TMEM192: variants seen among roughly 807,000 people sequenced by gnomAD.
TMEM192 encodes transmembrane protein 192.
TMEM192 carries 20 observed loss-of-function variants against 26.7 expected under a neutral mutation model. That is an observed-to-expected ratio of 0.75 (90% confidence interval 0.53 to 1.09). The LOEUF (loss-of-function observed/expected upper bound fraction) is 1.09. Among genes scored for constraint, TMEM192 ranks in the 50% least tolerant of loss-of-function variants. The pLI, the probability that TMEM192 is intolerant of heterozygous loss-of-function variation, is 0.00. For synonymous variants in TMEM192, 124 were observed against 121.0 expected, an observed-to-expected ratio of 1.02 and a Z score of -0.16; for missense variants, 304 against 322.6, an observed-to-expected ratio of 0.94 and a Z score of 0.44.
intron 3 of TMEM192, among the ~76,000 whole-genome samples, chr4:165,094,529 T>C (rs550928332): frequency 4.7e-4 from 72 of 151,792 alleles, no homozygotes; most frequent in African/African-American, 1.6e-3. Flanking sequence ...GGGCGGTGCA[T>C]GCCTGTAATC....
intron 4 of TMEM192, 86 bp downstream of exon 4, chr4:165,088,382 C>T (rs1734674570): frequency 7.2e-7 from 1 of 1,385,776 alleles, no homozygotes; most frequent in East Asian, 2.4e-5. Flanking sequence ...AGAGAACTTC[C>T]TTGTCGCTAA....
At chr4:165,085,942 T>C (rs1203903678) in intron 4 of TMEM192, among the ~76,000 whole-genome samples, 1 of 152,164 alleles carries the variant, frequency 6.6e-6, no homozygotes, top group Non-Finnish European at 1.5e-5. Flanking sequence ...CCTCATTCAG[T>C]TCTCATAAAC....
intron 5 of TMEM192, 70 bp from the exon 6 acceptor site, chr4:165,079,866 T>C: frequency 6.9e-7 from 1 of 1,447,726 alleles, no homozygotes; most frequent in Non-Finnish European, 9.3e-7. Context: ...TGCAAATGAG[T>C]ACCTACTAGT....
chr4:165,095,257 A>C (rs1465603051), intron 3 of TMEM192, among the ~76,000 whole-genome samples: 1 of 152,184 alleles, frequency 6.6e-6, no homozygotes, highest in Non-Finnish European at 1.5e-5. Flanking sequence ...TAAATGCCAT[A>C]TATCATTATT....
At chr4:165,092,012 C>A (rs1734777288) in intron 3 of TMEM192, among the ~76,000 whole-genome samples, 1 of 151,930 alleles carries the variant, frequency 6.6e-6, no homozygotes, top group South Asian at 2.1e-4. Flanking sequence ...GGATGAAAAT[C>A]CAGGACAAGT....
chr4:165,101,121 C>G (rs1324419081), intron 2 of TMEM192, among the ~76,000 whole-genome samples: 1 of 151,458 alleles, frequency 6.6e-6, no homozygotes, highest in African/African-American at 2.4e-5. Flanking sequence ...GGACTACAGG[C>G]ACCCGCCACC....
At chr4:165,105,056 C>A (rs1314819067) in intron 1 of TMEM192, among the ~76,000 whole-genome samples, 1 of 152,200 alleles carries the variant, frequency 6.6e-6, no homozygotes, top group African/African-American at 2.4e-5. Flanking sequence ...TACCCCTAAT[C>A]TGGATTGTGC....
At chr4:165,100,971 CTTTTTTT>C (rs71602569) in intron 2 of TMEM192, 79 bp from the exon 3 acceptor site, 29 of 773,204 alleles carry the variant, frequency 3.8e-5, no homozygotes, top group Middle Eastern at 4.2e-4. Flanking sequence ...AGCATACATT[CTTTTTTT>C]TTTTTTTTTT....
intron 3 of TMEM192, among the ~76,000 whole-genome samples, chr4:165,091,143 T>C (rs1278617515): frequency 4.6e-5 from 7 of 151,840 alleles, no homozygotes; most frequent in Admixed American, 4.6e-4. Flanking sequence ...GGCGGGCGCC[T>C]GTAGTCTCAG....
intron 3 of TMEM192, among the ~76,000 whole-genome samples, chr4:165,089,602 C>T (rs1489222253): frequency 2.0e-5 from 3 of 152,132 alleles, no homozygotes; most frequent in East Asian, 1.9e-4. Flanking sequence ...GGATTACAGG[C>T]GTGAGCCATT....
chr4:165,075,513 C>T lies in TMEM192; in HGVS notation c.*4145G>A. The T allele has an allele frequency of 6.6e-6, 1 of 152,124 alleles. No individual in the cohort carries two copies. 9.4% of individuals were successfully genotyped at this position (152,124 alleles called of 1,614,324 possible). Reference sequence around the variant, plus strand: ...TCGTGATCTGTCCGCCTCGGCCTCCCAAAGTGCTGAGATTACAGGTGTGAG... The same window carrying T: ...TCGTGATCTGTCCGCCTCGGCCTCCTAAAGTGCTGAGATTACAGGTGTGAG... On this transcript the variant is annotated 3_prime_UTR_variant, in exon 6 of 6. Transcript: ENST00000306480.
chr4:165,095,792 A>T (rs1016262556), intron 3 of TMEM192, among the ~76,000 whole-genome samples: 5 of 151,816 alleles, frequency 3.3e-5, no homozygotes, highest in South Asian at 2.1e-4. Flanking sequence ...ATTTTTTTTT[A>T]AAAATGGAGT....
In TMEM192 at chr4:165,102,970, T is replaced by A; in HGVS notation, c.154A>T (p.Asn52Tyr). 1 of 1,612,192 alleles carries A rather than the reference T, an allele frequency of 6.2e-7. No individual in the cohort carries two copies. Among genetic ancestry groups the A allele is most frequent in the Non-Finnish European group, 8.5e-7 (1 of 1,179,066 alleles). Residue 52 changes from asparagine (N) to tyrosine (Y), a missense_variant, in exon 2 of 6, where the codon AAT (asparagine) becomes TAT (tyrosine). By Grantham distance (143) the Asn-to-Tyr change is moderately radical. Transcript: ENST00000306480. ...FHPLPTVIIV[N>Y]LLWFIHLVFV... Reference sequence around the variant, plus strand: ...CTTACATGAATAAACCACAGAAGATTCACTATGATGACTGTAGGAAGAGGA... The same window carrying A: ...CTTACATGAATAAACCACAGAAGATACACTATGATGACTGTAGGAAGAGGA...
intron 1 of TMEM192, among the ~76,000 whole-genome samples, chr4:165,109,352 T>A (rs1443707575): frequency 1.3e-5 from 2 of 152,036 alleles, no homozygotes; most frequent in Non-Finnish European, 2.9e-5. Context: ...GGGAAATTTT[T>A]ATTTATTTAT....
At chr4:165,107,419 C>T (rs1178192289) in intron 1 of TMEM192, among the ~76,000 whole-genome samples, 1 of 152,082 alleles carries the variant, frequency 6.6e-6, no homozygotes, top group Non-Finnish European at 1.5e-5. Flanking sequence ...TCACTGCAGC[C>T]TCCGTGCCCC....
At chr4:165,100,317 G>A (rs566150106) in intron 3 of TMEM192, among the ~76,000 whole-genome samples, 10 of 151,882 alleles carry the variant, frequency 6.6e-5, no homozygotes, top group Admixed American at 2.6e-4. Context: ...GCACCACCAC[G>A]CCCAGCTAAT....
intron 1 of TMEM192, among the ~76,000 whole-genome samples, chr4:165,108,283 G>A (rs866966941): frequency 8.6e-5 from 13 of 151,748 alleles, no homozygotes; most frequent in South Asian, 4.2e-4. Context: ...CACCACGCCC[G>A]GCTAATTTTT....
intron 1 of TMEM192, among the ~76,000 whole-genome samples, chr4:165,106,061 C>A (rs760986584): frequency 1.3e-5 from 2 of 152,152 alleles, no homozygotes; most frequent in Non-Finnish European, 2.9e-5. Flanking sequence ...TTCCTGAATC[C>A]GTGGCTGCCT....
In TMEM192 at chr4:165,109,555, G is replaced by A. The variant is rs563422139; in HGVS notation, c.27+3192C>T. On this transcript the variant is annotated intron_variant, in intron 1 of 5. Transcript: ENST00000306480. ...AATTTTTATATTTTTAGTAGATACC[G>A]GGTTTCGCCATGTTGGCCAGGCTGG... 8.5e-5 allele frequency among the ~76,000 whole-genome samples: 13 copies of A among 152,234 alleles called. No homozygotes were observed. In the South Asian group the frequency reaches 2.1e-3, roughly 24 times the overall value.
Sources: gnomAD v4.1 joint callset for allele counts (sites outside exome capture counted in the v4.1 genomes callset) on GRCh38, gnomAD v4.1.1 for gene constraint, MANE v1.5 for transcripts, NCBI Gene and HGNC (gene_info 2026-07-23, HGNC 2026-07-21) for gene names.